The following PFKFB1 variants were observed in gnomAD, a reference collection of about 807,000 sequenced individuals.
The protein encoded by PFKFB1 is 6-phosphofructo-2-kinase/fructose-2,6-bisphosphatase 1.
Under a neutral mutation model 46.4 loss-of-function variants are expected in PFKFB1, and 34 were observed. The ratio of observed to expected loss-of-function variants is 0.73; its 90% CI spans 0.56 to 0.98. The LOEUF is 0.98. PFKFB1 is among the 50% of genes least tolerant of loss of function. The pLI, the probability that PFKFB1 is intolerant of heterozygous loss-of-function variation, is 0.00. For synonymous variants in PFKFB1, 119 were observed against 133.8 expected, an observed-to-expected ratio of 0.89 and a Z score of 0.76; for missense variants, 393 against 376.3, an observed-to-expected ratio of 1.04 and a Z score of -0.37.
rs143134163 is a variant in PFKFB1, at chrX:54,983,145, A to G, written c.97+10766T>C. Among the ~76,000 whole-genome samples, 722 of 111,769 alleles carry G rather than the reference A, an allele frequency of 6.5e-3. 7 individuals are homozygous for G. Among genetic ancestry groups the G allele is most frequent in the African/African-American group, 0.021 (660 of 30,815 alleles). On this transcript the variant is annotated intron_variant, in intron 1 of 13. Transcript: ENST00000375006. ...TTAGTTGGTGGTTTCTGAATGGTTA[A>G]GCTTAAGATTTTATATTTTTATTTT...
chrX:54,945,272 T>A (rs1342818028), intron 10 of PFKFB1, among the ~76,000 whole-genome samples, 167 bp downstream of exon 10: 1 of 112,190 alleles, frequency 8.9e-6, no homozygotes, highest in Non-Finnish European at 1.9e-5. Context: ...TAGCCAAGAA[T>A]CTAAAACAAC....
In PFKFB1 at chrX:54,981,761, G is replaced by A. The variant is rs1344416328; in HGVS notation, c.97+12150C>T. Reference sequence around the variant, plus strand: ...ACTAAGCAAGGAACTTCTAGTTTCAGTTCCAAGAGCTTGGGAGTTCTTATT... The same window carrying A: ...ACTAAGCAAGGAACTTCTAGTTTCAATTCCAAGAGCTTGGGAGTTCTTATT... On this transcript the variant is annotated intron_variant, in intron 1 of 13. Coordinates refer to ENST00000375006, the MANE Select transcript of PFKFB1 (RefSeq NM_002625.4). 2.7e-5 allele frequency among the ~76,000 whole-genome samples: 3 copies of A among 111,646 alleles called. No individual in the cohort carries two copies. The East Asian group carries it at 8.4e-4, about 31-fold the overall frequency.
intron 13 of PFKFB1, 74 bp downstream of exon 13, chrX:54,933,747 C>A (rs924708272): frequency 3.2e-6 from 3 of 946,535 alleles, no homozygotes; most frequent in Non-Finnish European, 3.0e-6. Context: ...GTTGGGGCAG[C>A]CTTTCTGTGG....
intron 1 of PFKFB1, 37 bp downstream of exon 1, chrX:54,993,874 C>T (rs761897214): frequency 1.6e-5 from 19 of 1,179,354 alleles, no homozygotes; most frequent in Non-Finnish European, 2.0e-5. Flanking sequence ...ACTCTACCAC[C>T]ACCACCTTTA....
intron 7 of PFKFB1, among the ~76,000 whole-genome samples, chrX:54,952,684 G>T (rs932397440): frequency 1.8e-5 from 2 of 110,132 alleles, no homozygotes; most frequent in Non-Finnish European, 3.8e-5. Context: ...GTTGGCCTGG[G>T]TTATTTTCCT....
At chrX:54,941,776 C>G (rs1344741140) in intron 10 of PFKFB1, among the ~76,000 whole-genome samples, 3 of 111,812 alleles carry the variant, frequency 2.7e-5, no homozygotes, top group Non-Finnish European at 5.6e-5. Context: ...GAAATAGGAA[C>G]ACTTTTACAC....
chrX:54,947,742 C>T (rs1364723348), intron 9 of PFKFB1, among the ~76,000 whole-genome samples: 3 of 111,047 alleles, frequency 2.7e-5, no homozygotes, highest in African/African-American at 9.8e-5. Flanking sequence ...CACTGCTGCC[C>T]AGTGCCATTG....
chrX:54,976,632 C>A lies in PFKFB1; in HGVS notation c.98-13250G>T, dbSNP rs1432156452. Among the ~76,000 whole-genome samples, 22 of 111,279 alleles carry A rather than the reference C, an allele frequency of 2.0e-4. No individual in the cohort carries two copies. In the Admixed American group the frequency reaches 2.1e-3, roughly 11 times the overall value. On this transcript the variant is annotated intron_variant, in intron 1 of 13. Coordinates refer to ENST00000375006, the MANE Select transcript of PFKFB1 (RefSeq NM_002625.4). The stretch of plus-strand genomic sequence containing the variant: ...CTTGACATATGACCTAGCATTTTCA[C>A]TCATACATACCTTTGGAAGGGAATT...
At chrX:54,957,024 C>A (rs1418205062) in intron 6 of PFKFB1, among the ~76,000 whole-genome samples, 1 of 111,891 alleles carries the variant, frequency 8.9e-6, no homozygotes, top group East Asian at 2.8e-4. Context: ...AGCCCTTCTA[C>A]ATTTTGTCAT....
At chrX:54,969,708 C>T (rs1268279024) in intron 1 of PFKFB1, among the ~76,000 whole-genome samples, 1 of 111,738 alleles carries the variant, frequency 8.9e-6, no homozygotes, top group Non-Finnish European at 1.9e-5. Flanking sequence ...AGACTAAATG[C>T]TTTCTCTCTA....
chrX:54,935,904 C>T lies in PFKFB1; in HGVS notation c.1229-895G>A, dbSNP rs140199060. On this transcript the variant is annotated intron_variant, in intron 11 of 13. Coordinates refer to ENST00000375006, the MANE Select transcript of PFKFB1 (RefSeq NM_002625.4). ...TTCATTTTGCAGGATCACCGACCCTCATGGCTTCCCTCAACAGCAGGTTCC... is the reference window on the plus strand; with the variant it reads ...TTCATTTTGCAGGATCACCGACCCTTATGGCTTCCCTCAACAGCAGGTTCC... Among the ~76,000 whole-genome samples, 407 of 111,695 alleles carry T rather than the reference C, an allele frequency of 3.6e-3. 1 individual carries two copies. The highest frequency in any genetic ancestry group is 0.013 in the African/African-American group (388 of 30,768).
At chrX:54,935,948 C>T (rs962796988) in intron 11 of PFKFB1, among the ~76,000 whole-genome samples, 2 of 111,765 alleles carry the variant, frequency 1.8e-5, no homozygotes, top group African/African-American at 6.5e-5. Context: ...TTTCTGAGGT[C>T]TGCCACTGCC....
intron 9 of PFKFB1, among the ~76,000 whole-genome samples, chrX:54,948,817 T>C (rs1407943278): frequency 3.6e-5 from 4 of 111,893 alleles, no homozygotes; most frequent in Non-Finnish European, 7.5e-5. Flanking sequence ...CTTCTACTTC[T>C]CCTCTCATAG....
upstream of PFKFB1, among the ~76,000 whole-genome samples, chrX:54,995,322 G>A (rs922823556): frequency 1.5e-4 from 17 of 111,861 alleles, no homozygotes; most frequent in South Asian, 3.8e-4. Context: ...GCAATCTCTT[G>A]GGGACAGAAA....
At chrX:54,937,078 T>C (rs1933428829) in intron 11 of PFKFB1, among the ~76,000 whole-genome samples, 1 of 111,164 alleles carries the variant, frequency 9.0e-6, no homozygotes, top group Non-Finnish European at 1.9e-5. Context: ...AAATAAATTA[T>C]CATTTGAAAA....
At chrX:54,975,246 T>C (rs777773522) in intron 1 of PFKFB1, among the ~76,000 whole-genome samples, 2 of 111,201 alleles carry the variant, frequency 1.8e-5, no homozygotes, top group South Asian at 7.6e-4. Context: ...AATGTATCCA[T>C]TTTCTTTATA....
chrX:54,933,700 C>A, intron 13 of PFKFB1, 121 bp downstream of exon 13: 1 of 598,942 alleles, frequency 1.7e-6, no homozygotes. Flanking sequence ...GTGCTGTTTG[C>A]TCCATCTGTT....
At chrX:54,937,128 C>T (rs1000161734) in intron 11 of PFKFB1, among the ~76,000 whole-genome samples, 4 of 111,291 alleles carry the variant, frequency 3.6e-5, no homozygotes, top group African/African-American at 1.3e-4. Flanking sequence ...GGGGAAATTA[C>T]CCCTATAGCA....
Position 54,945,549 on chromosome X carries a change from A to G in PFKFB1, c.994-6T>C. On this transcript the variant is annotated splice_region_variant and splice_polypyrimidine_tract_variant and intron_variant, in intron 9 of 13. Coordinates refer to ENST00000375006, the MANE Select transcript of PFKFB1 (RefSeq NM_002625.4). Reference sequence around the variant, plus strand: ...GTCATCTCCTCACAGACACCCTGAGAAAAAGTATTTGGGGGCGAAAGTATT... The same window carrying G: ...GTCATCTCCTCACAGACACCCTGAGGAAAAGTATTTGGGGGCGAAAGTATT... The G allele has an allele frequency of 9.2e-7, 1 of 1,088,235 alleles. No individual in the cohort carries two copies. Among genetic ancestry groups the G allele is most frequent in the Non-Finnish European group, 1.3e-6 (1 of 791,062 alleles). 89.7% of individuals were successfully genotyped at this position (1,088,235 alleles called of 1,213,427 possible).
Sources: gnomAD v4.1 joint callset for allele counts (sites outside exome capture counted in the v4.1 genomes callset) on GRCh38, gnomAD v4.1.1 for gene constraint, MANE v1.5 for transcripts, NCBI Gene and HGNC (gene_info 2026-07-23, HGNC 2026-07-21) for gene names.